Variants in CDKL1 observed in about 807,000 individuals in gnomAD.
CDKL1 encodes the protein cyclin dependent kinase like 1.
In CDKL1, 41 loss-of-function variants were observed where a neutral mutation model predicts 42.0. The ratio of observed to expected loss-of-function variants is 0.98; its 90% CI spans 0.76 to 1.27. The LOEUF is 1.27. CDKL1 is among the 50% of genes most tolerant of loss of function. CDKL1 has a pLI of 0.00. For missense variants in CDKL1, 394 were observed against 428.4 expected, an observed-to-expected ratio of 0.92 and a Z score of 0.71; for synonymous variants, 153 against 158.6, an observed-to-expected ratio of 0.96 and a Z score of 0.26.
intron 2 of CDKL1, chr14:50,390,394 C>T (rs1272127257): frequency 1.5e-6 from 2 of 1,352,596 alleles, no homozygotes; most frequent in East Asian, 4.7e-5. Flanking sequence ...TTCTTTCTTT[C>T]CTCTTCTTAC....
At chr14:50,397,213 C>A, upstream of CDKL1, 1 of 1,366,634 alleles carries the variant, frequency 7.3e-7, no homozygotes, top group Non-Finnish European at 9.8e-7. Context: ...CAGCAGTCCC[C>A]ACACCTCAGA....
intron 7 of CDKL1, among the ~76,000 whole-genome samples, chr14:50,338,484 C>A (rs972832325): frequency 2.0e-5 from 3 of 152,144 alleles, no homozygotes; most frequent in East Asian, 1.9e-4. Context: ...CTGCCCATCT[C>A]GGCCTCCCCA....
intron 2 of CDKL1, among the ~76,000 whole-genome samples, chr14:50,383,121 G>T (rs1330251286): frequency 3.3e-5 from 5 of 151,670 alleles, no homozygotes; most frequent in South Asian, 2.1e-4. Context: ...GTAGAGACGG[G>T]GTTTCACCGT....
At chr14:50,356,996 G>C (rs563280793) in intron 3 of CDKL1, 1 of 152,256 alleles carries the variant, frequency 6.6e-6, no homozygotes, top group Non-Finnish European at 1.5e-5. Flanking sequence ...CCACAAATCA[G>C]TGTTCCCAAG....
At position 50,360,786 on chromosome 14, in the gene CDKL1, TTGTGTGTGTGTGTGTG is replaced by T. The variant is rs58307197; in HGVS notation, c.169-1653_169-1638del. ...GGTGGAATGATAGACGTGTGTGTGT[TTGTGTGTGTGTGTGTG>T]TGTGTGTGTGTGTGTGTGTGTGTGA... On this transcript the variant is annotated intron_variant, in intron 2 of 9. Transcript: ENST00000395834. 9.7e-5 allele frequency among the ~76,000 whole-genome samples: 14 copies of T among 144,700 alleles called. No individual in the cohort carries two copies. The East Asian group carries it at 1.2e-3, about 13-fold the overall frequency. 94.9% of individuals were successfully genotyped at this position (144,700 alleles called of 152,430 possible). A position where few individuals can be genotyped will look rare whatever the true frequency, so the allele number is the denominator to read the frequency against.
At chr14:50,389,097 C>CAA (rs57448948) in intron 2 of CDKL1, among the ~76,000 whole-genome samples, 16 of 90,478 alleles carry the variant, frequency 1.8e-4, no homozygotes, top group East Asian at 8.6e-4. Context: ...AGACTGTCTT[C>CAA]AAAAAAAAAA....
chr14:50,356,286 T>C (rs2034054149), intron 3 of CDKL1, among the ~76,000 whole-genome samples: 1 of 152,170 alleles, frequency 6.6e-6, no homozygotes, highest in Non-Finnish European at 1.5e-5. Context: ...CCCCTGAAAC[T>C]TTACCTAGTC....
At chr14:50,341,456 T>TGGGGGGGGGGGGGGGGGGGGG (rs10598932) in intron 5 of CDKL1, among the ~76,000 whole-genome samples, 1 of 71,632 alleles carries the variant, frequency 1.4e-5, no homozygotes. Context: ...GGGGAGGGTC[T>TGGGGGGGGGGGGGGGGGGGGG]GGGGGGGGGG....
intron 2 of CDKL1, among the ~76,000 whole-genome samples, chr14:50,374,063 T>C (rs1171736679): frequency 2.4e-4 from 36 of 152,194 alleles, no homozygotes. Context: ...AAAATTGTGC[T>C]ACATTCATAT....
chr14:50,382,441 A>C (rs1243399009), intron 2 of CDKL1, among the ~76,000 whole-genome samples: 1 of 151,716 alleles, frequency 6.6e-6, no homozygotes, highest in African/African-American at 2.4e-5. Context: ...ACAGAGCAAG[A>C]CTCCATCTCA....
At chr14:50,346,652 G>A (rs8022839) in intron 3 of CDKL1, among the ~76,000 whole-genome samples, 1 of 142,058 alleles carries the variant, frequency 7.0e-6, no homozygotes, top group African/African-American at 2.6e-5. Context: ...TAAATTTTTG[G>A]TTTTTTTTTT....
At chr14:50,355,083 C>A (rs2034017211) in intron 3 of CDKL1, among the ~76,000 whole-genome samples, 1 of 151,682 alleles carries the variant, frequency 6.6e-6, no homozygotes. Context: ...GACAACTATT[C>A]ATGAACTTTT....
chr14:50,384,567 G>A (rs2035015293), intron 2 of CDKL1, among the ~76,000 whole-genome samples: 1 of 151,730 alleles, frequency 6.6e-6, no homozygotes, highest in South Asian at 2.1e-4. Flanking sequence ...TGTGATAATT[G>A]AGAGTCAGAA....
intron 2 of CDKL1, chr14:50,362,379 G>A (rs1274911049): frequency 1.8e-5 from 5 of 273,040 alleles, no homozygotes; most frequent in Non-Finnish European, 2.9e-5. Context: ...GGGACTTGGA[G>A]AACCTTTATG....
chr14:50,351,184 A>T (rs1169629162), intron 3 of CDKL1, among the ~76,000 whole-genome samples: 1 of 152,154 alleles, frequency 6.6e-6, no homozygotes, highest in African/African-American at 2.4e-5. Context: ...GGTCAAAATA[A>T]GCAAGTAAAC....
intron 2 of CDKL1, among the ~76,000 whole-genome samples, chr14:50,389,020 A>G (rs1026825041): frequency 6.8e-6 from 1 of 147,846 alleles, no homozygotes; most frequent in African/African-American, 2.5e-5. Flanking sequence ...AATCGCTTGA[A>G]CCCAGGAGGC....
intron 3 of CDKL1, among the ~76,000 whole-genome samples, chr14:50,353,467 C>T (rs2033963216): frequency 6.6e-6 from 1 of 152,078 alleles, no homozygotes; most frequent in Non-Finnish European, 1.5e-5. Context: ...ACAAGGCTAT[C>T]ACAAAGATGG....
At chr14:50,339,759 T>C (rs2033444066) in intron 6 of CDKL1, among the ~76,000 whole-genome samples, 1 of 152,164 alleles carries the variant, frequency 6.6e-6, no homozygotes, top group Admixed American at 6.5e-5. Flanking sequence ...CCTGCCCACA[T>C]TTCCATCACA....
At chr14:50,389,061 T>C (rs2035170983) in intron 2 of CDKL1, among the ~76,000 whole-genome samples, 1 of 136,702 alleles carries the variant, frequency 7.3e-6, no homozygotes, top group African/African-American at 2.8e-5. Flanking sequence ...ATTGCGCTAT[T>C]GCACTCCAGC....
Sources: allele counts gnomAD v4.1 joint callset (sites outside exome capture counted in the v4.1 genomes callset), GRCh38; gene constraint gnomAD v4.1.1; transcripts MANE v1.5; gene names NCBI Gene and HGNC (gene_info 2026-07-23, HGNC 2026-07-21).